The following GRIK2 variants were observed in gnomAD, a reference collection of about 807,000 sequenced individuals.
The protein encoded by GRIK2 is glutamate ionotropic receptor kainate type subunit 2.
GRIK2 carries 32 observed loss-of-function variants against 100.3 expected under a neutral mutation model. The ratio of observed to expected loss-of-function variants is 0.32; its 90% CI spans 0.24 to 0.43. The LOEUF (loss-of-function observed/expected upper bound fraction) is 0.43. Ranked by LOEUF, GRIK2 falls within the 20% of genes least tolerant of loss-of-function variation. GRIK2 has a pLI of 1.00. For missense variants in GRIK2, 843 were observed against 1,114.9 expected, an observed-to-expected ratio of 0.76 and a Z score of 3.47; for synonymous variants, 417 against 389.4, an observed-to-expected ratio of 1.07 and a Z score of -0.83.
chr6:102,047,636 C>T (rs1342929701), intron 15 of GRIK2, among the ~76,000 whole-genome samples: 5 of 151,968 alleles, frequency 3.3e-5, no homozygotes, highest in Middle Eastern at 6.8e-3. Flanking sequence ...GTAATCCCAG[C>T]TACTCAGGAG....
In GRIK2 at chr6:101,401,204, G is replaced by A. The variant is rs755441442; in HGVS notation, c.115+1812G>A. On this transcript the variant is annotated intron_variant, in intron 2 of 16. Transcript: ENST00000369134. The stretch of plus-strand genomic sequence containing the variant: ...GATGGAAAAAAGAAGACTTGGAGCC[G>A]GAAAACTGCCACCAATACTCTAAGG... 3.0e-4 allele frequency among the ~76,000 whole-genome samples: 45 copies of A among 152,076 alleles called. 1 individual carries two copies. Among genetic ancestry groups the A allele is most frequent in the East Asian group, 7.7e-4 (4 of 5,184 alleles).
intron 4 of GRIK2, among the ~76,000 whole-genome samples, chr6:101,639,647 G>A (rs1781192644): frequency 6.6e-6 from 1 of 152,052 alleles, no homozygotes; most frequent in Non-Finnish European, 1.5e-5. Context: ...TCTGTTTTCT[G>A]GGACCTAATA....
At chr6:101,752,634 A>G (rs62419272) in intron 7 of GRIK2, among the ~76,000 whole-genome samples, 1 of 152,208 alleles carries the variant, frequency 6.6e-6, no homozygotes, top group African/African-American at 2.4e-5. Flanking sequence ...CCTGACAGTG[A>G]AAAATCTAGG....
chr6:101,982,213 T>C (rs1312096431), intron 14 of GRIK2, among the ~76,000 whole-genome samples: 1 of 151,896 alleles, frequency 6.6e-6, no homozygotes, highest in African/African-American at 2.4e-5. Flanking sequence ...TGGTTGCAGA[T>C]ATCTTGAGTA....
intron 6 of GRIK2, among the ~76,000 whole-genome samples, chr6:101,685,844 G>A (rs1188764845): frequency 6.6e-6 from 1 of 151,918 alleles, no homozygotes; most frequent in African/African-American, 2.4e-5. Context: ...AAAAATTAAA[G>A]CAAAATATTA....
chr6:101,619,141 A>G (rs1269841522), intron 2 of GRIK2, among the ~76,000 whole-genome samples: 1 of 151,072 alleles, frequency 6.6e-6, no homozygotes, highest in East Asian at 2.0e-4. Flanking sequence ...TTGGAAACCA[A>G]TTCTTTACTA....
At chr6:101,528,949 G>A (rs1173121796) in intron 2 of GRIK2, among the ~76,000 whole-genome samples, 2 of 151,988 alleles carry the variant, frequency 1.3e-5, no homozygotes, top group African/African-American at 4.8e-5. Flanking sequence ...GCTAAAATAT[G>A]AGGTTGAGTG....
chr6:101,904,906 A>G (rs1788120865), intron 12 of GRIK2, among the ~76,000 whole-genome samples: 1 of 151,554 alleles, frequency 6.6e-6, no homozygotes, highest in South Asian at 2.1e-4. Flanking sequence ...TTGTGAAACT[A>G]TACATTTTTT....
chr6:102,026,219 T>C (rs925219408), intron 14 of GRIK2, among the ~76,000 whole-genome samples: 1 of 148,088 alleles, frequency 6.8e-6, no homozygotes, highest in African/African-American at 2.5e-5. Flanking sequence ...TTTTGATTGA[T>C]TATGTAAAAC....
At chr6:101,579,147 G>A (rs1216831586) in intron 2 of GRIK2, among the ~76,000 whole-genome samples, 2 of 152,084 alleles carry the variant, frequency 1.3e-5, no homozygotes, top group African/African-American at 4.8e-5. Flanking sequence ...CCCTTGATCA[G>A]TATAATATCT....
chr6:101,500,014 T>C (rs938289853), intron 2 of GRIK2, among the ~76,000 whole-genome samples: 3 of 152,156 alleles, frequency 2.0e-5, no homozygotes, highest in African/African-American at 7.2e-5. Context: ...ATTTATATAA[T>C]GTGTACTTTC....
At chr6:101,686,723 G>A (rs1771727902) in intron 7 of GRIK2, among the ~76,000 whole-genome samples, 1 of 152,038 alleles carries the variant, frequency 6.6e-6, no homozygotes, top group Admixed American at 6.6e-5. Context: ...TCAACATGAT[G>A]ATTTCTGGTA....
chr6:101,888,559 C>T (rs1318762460), intron 11 of GRIK2, among the ~76,000 whole-genome samples: 2 of 152,134 alleles, frequency 1.3e-5, no homozygotes. Context: ...CGTAGCCCCT[C>T]TCAAAGATAC....
Position 101,783,211 on chromosome 6 carries a change from G to T in GRIK2, c.952-16437G>T, listed in dbSNP as rs1265881896. 2.0e-5 allele frequency among the ~76,000 whole-genome samples: 3 copies of T among 152,102 alleles called. No homozygotes were observed. In the East Asian group the frequency reaches 5.8e-4, roughly 29 times the overall value. ...ACATGACAAAGGAGGGACCTAGTGG[G>T]AGATAATTAGATCATGGGGATGGTT... On this transcript the variant is annotated intron_variant, in intron 7 of 16. Transcript: ENST00000369134.
chr6:101,961,092 T>C (rs1246716308), intron 14 of GRIK2, among the ~76,000 whole-genome samples: 1 of 152,108 alleles, frequency 6.6e-6, no homozygotes, highest in East Asian at 1.9e-4. Flanking sequence ...CAGTTCCACA[T>C]CATGGGCAGG....
At chr6:101,818,566 G>A in intron 10 of GRIK2, 83 bp downstream of exon 10, 1 of 730,528 alleles carries the variant, frequency 1.4e-6, no homozygotes, top group South Asian at 1.6e-5. Context: ...AATTGGAACA[G>A]CAATGAACAG....
chr6:101,688,819 T>C (rs1771892154), intron 7 of GRIK2, among the ~76,000 whole-genome samples: 1 of 151,978 alleles, frequency 6.6e-6, no homozygotes, highest in Admixed American at 6.6e-5. Flanking sequence ...AAAGGTTTCT[T>C]TCAAAATAGA....
chr6:102,012,684 A>T (rs760268755), intron 14 of GRIK2, among the ~76,000 whole-genome samples: 21 of 152,162 alleles, frequency 1.4e-4, no homozygotes, highest in Admixed American at 2.0e-4. Context: ...TATCATTTGT[A>T]TATTAACTTT....
chr6:101,594,132 G>C (rs1258005065), intron 2 of GRIK2, among the ~76,000 whole-genome samples: 3 of 151,690 alleles, frequency 2.0e-5, no homozygotes, highest in African/African-American at 7.3e-5. Context: ...ACCTTGAAAA[G>C]GAAAACATTC....
Sources: gnomAD v4.1 joint callset for allele counts (sites outside exome capture counted in the v4.1 genomes callset) on GRCh38, gnomAD v4.1.1 for gene constraint, MANE v1.5 for transcripts, NCBI Gene and HGNC (gene_info 2026-07-23, HGNC 2026-07-21) for gene names.